The following LANCL3 variants were observed in gnomAD, a reference collection of about 807,000 sequenced individuals.
LANCL3 encodes LanC like family member 3.
Under a neutral mutation model 26.5 loss-of-function variants are expected in LANCL3, and 19 were observed. That is an observed-to-expected ratio of 0.72 (90% CI 0.50 to 1.05). LANCL3 has a LOEUF of 1.05. LANCL3 is among the 50% of genes least tolerant of loss of function. LANCL3 has a pLI of 0.00. For synonymous variants in LANCL3, 160 were observed against 166.6 expected, an observed-to-expected ratio of 0.96 and a Z score of 0.30; for missense variants, 318 against 362.7, an observed-to-expected ratio of 0.88 and a Z score of 1.00.
chrX:37,603,629 T>C (rs1041726023), intron 1 of LANCL3, among the ~76,000 whole-genome samples: 1 of 112,661 alleles, frequency 8.9e-6, no homozygotes, highest in Admixed American at 9.4e-5. Context: ...TACATTCTCA[T>C]TGGCAAATCA....
chrX:37,682,093 T>A lies in LANCL3; in HGVS notation c.*6280T>A, dbSNP rs1926948644. 9.1e-6 allele frequency: 1 copy of A among 109,603 alleles called. No individual in the cohort carries two copies. The highest frequency in any genetic ancestry group is 2.8e-4 in the East Asian group (1 of 3,557). The allele number at this position is 109,603 out of a possible 1,213,427, so 9.0% of individuals were successfully genotyped here. A position where few individuals can be genotyped will look rare whatever the true frequency, so the allele number is the denominator to read the frequency against. ...ATTCTTGCTGATGTTTTATTTTTAT[T>A]TTTATTTTTTTATTTTTTTTTTTTT... On this transcript the variant is annotated 3_prime_UTR_variant, in exon 5 of 5. Transcript: ENST00000378619.
Position 37,680,418 on chromosome X carries a change from G to T in LANCL3, c.*4605G>T, listed in dbSNP as rs1241131337. The T allele has an allele frequency of 9.0e-6, 1 of 111,330 alleles. No individual in the cohort carries two copies. Among genetic ancestry groups the T allele is most frequent in the Non-Finnish European group, 1.9e-5 (1 of 53,009 alleles). 9.2% of individuals were successfully genotyped at this position (111,330 alleles called of 1,213,427 possible). A position where few individuals can be genotyped will look rare whatever the true frequency, so the allele number is the denominator to read the frequency against. ...GTGGATGATGCCTTTAGAGTTTTTT[G>T]TTTTGTTTTGTTTTTGTTTTCTTGA... is the stretch of plus-strand genomic sequence containing the variant. On this transcript the variant is annotated 3_prime_UTR_variant, in exon 5 of 5. Coordinates refer to ENST00000378619, the MANE Select transcript of LANCL3 (RefSeq NM_001170331.2).
rs1477643942 is a variant in LANCL3, at chrX:37,651,262, G to T, written c.574-4426G>T. On this transcript the variant is annotated intron_variant, in intron 1 of 4. Coordinates refer to ENST00000378619, the MANE Select transcript of LANCL3 (RefSeq NM_001170331.2). ...GTATACCCAGTAATGGGATGGCTGG[G>T]TCAAATGGTATTTCTAGTTCTAGAT... Among the ~76,000 whole-genome samples, 4 of 111,354 alleles carry T rather than the reference G, an allele frequency of 3.6e-5. No homozygotes were observed. The East Asian group carries it at 1.1e-3, about 31-fold the overall frequency.
Position 37,676,775 on chromosome X carries a change from C to T in LANCL3, c.*962C>T, listed in dbSNP as rs1926819224. The T allele has an allele frequency of 9.0e-6, 1 of 111,420 alleles. No individual in the cohort carries two copies. The allele number at this position is 111,420 out of a possible 1,213,427, so 9.2% of individuals were successfully genotyped here. A position where few individuals can be genotyped will look rare whatever the true frequency, so the allele number is the denominator to read the frequency against. ...ACAGGCAGACAGGCTGAGGAAGTCA[C>T]CAGTGATTGTGGAAATAATTTTGCT... On this transcript the variant is annotated 3_prime_UTR_variant, in exon 5 of 5. Coordinates refer to ENST00000378619, the MANE Select transcript of LANCL3 (RefSeq NM_001170331.2).
intron 1 of LANCL3, among the ~76,000 whole-genome samples, chrX:37,645,098 T>A (rs1390814283): frequency 1.8e-5 from 2 of 112,617 alleles, no homozygotes; most frequent in African/African-American, 6.5e-5. Context: ...TAGTGACAGT[T>A]GGTGCAGACT....
At chrX:37,596,375 A>G (rs1480202742) in intron 1 of LANCL3, among the ~76,000 whole-genome samples, 1 of 112,170 alleles carries the variant, frequency 8.9e-6, no homozygotes, top group East Asian at 2.8e-4. Context: ...TGTTGTGTCA[A>G]ATGGCTTTTA....
intron 1 of LANCL3, among the ~76,000 whole-genome samples, chrX:37,642,604 A>G (rs1925892177): frequency 8.9e-6 from 1 of 111,896 alleles, no homozygotes; most frequent in Non-Finnish European, 1.9e-5. Context: ...TGTCCATTTT[A>G]TTTCCATGTA....
In LANCL3 at chrX:37,675,984, C is replaced by T; in HGVS notation, c.*171C>T. On this transcript the variant is annotated 3_prime_UTR_variant, in exon 5 of 5. Transcript: ENST00000378619. ...GATGCCAGATTTGAGAAAGGATCTG[C>T]AAAATAAAGATACCACAATTCATCT... 3.1e-6 allele frequency: 1 copy of T among 319,828 alleles called. No individual in the cohort carries two copies. Among genetic ancestry groups the T allele is most frequent in the Non-Finnish European group, 5.4e-6 (1 of 185,426 alleles). 26.4% of individuals were successfully genotyped at this position (319,828 alleles called of 1,213,427 possible). A position where few individuals can be genotyped will look rare whatever the true frequency, so the allele number is the denominator to read the frequency against.
At chrX:37,631,161 C>T (rs782793854) in intron 1 of LANCL3, among the ~76,000 whole-genome samples, 2 of 111,883 alleles carry the variant, frequency 1.8e-5, no homozygotes, top group East Asian at 5.6e-4. Flanking sequence ...GATTCAATTT[C>T]TTCCTGGTTT....
Position 37,633,797 on chromosome X carries a change from C to G in LANCL3, c.574-21891C>G, listed in dbSNP as rs368267606. Among the ~76,000 whole-genome samples, 19 of 111,575 alleles carry G rather than the reference C, an allele frequency of 1.7e-4. 1 individual carries two copies. The East Asian group carries it at 4.8e-3, about 28-fold the overall frequency. ...CTGATCGTTCCTCTGGAAGTTTTGT[C>G]TCAGAGGCGTACCCGGCCATGTGAG... On this transcript the variant is annotated intron_variant, in intron 1 of 4. Coordinates refer to ENST00000378619, the MANE Select transcript of LANCL3 (RefSeq NM_001170331.2).
chrX:37,633,306 C>T (rs956277049), intron 1 of LANCL3, among the ~76,000 whole-genome samples: 6 of 110,615 alleles, frequency 5.4e-5, no homozygotes, highest in East Asian at 5.7e-4. Flanking sequence ...CTTTCAGCTC[C>T]GGTTATTCTA....
chrX:37,609,366 C>T (rs1453542346), intron 1 of LANCL3, among the ~76,000 whole-genome samples: 1 of 111,660 alleles, frequency 9.0e-6, no homozygotes, highest in Non-Finnish European at 1.9e-5. Flanking sequence ...TGAGAAAGCA[C>T]TGATGTGTAA....
At chrX:37,583,069 A>G (rs1923949543) in intron 1 of LANCL3, among the ~76,000 whole-genome samples, 1 of 112,098 alleles carries the variant, frequency 8.9e-6, no homozygotes, top group South Asian at 3.7e-4. Flanking sequence ...TTTGTTAAAT[A>G]GGGAATCCTT....
At chrX:37,614,015 C>G (rs1189064139) in intron 1 of LANCL3, among the ~76,000 whole-genome samples, 1 of 112,052 alleles carries the variant, frequency 8.9e-6, no homozygotes, top group Non-Finnish European at 1.9e-5. Context: ...TTACAAAACC[C>G]CTAGTTGGAC....
chrX:37,629,361 T>C, intron 1 of LANCL3, among the ~76,000 whole-genome samples: 1 of 108,352 alleles, frequency 9.2e-6, no homozygotes, highest in East Asian at 2.9e-4. Context: ...CTTTGTCAGA[T>C]GAGTAGGTTG....
At chrX:37,632,769 T>C (rs1353665546) in intron 1 of LANCL3, among the ~76,000 whole-genome samples, 1 of 111,796 alleles carries the variant, frequency 8.9e-6, no homozygotes, top group Non-Finnish European at 1.9e-5. Context: ...TTTAAGAATG[T>C]TGAATATTGG....
intron 1 of LANCL3, among the ~76,000 whole-genome samples, chrX:37,585,633 G>A (rs1488309215): frequency 9.0e-6 from 1 of 110,829 alleles, no homozygotes; most frequent in Non-Finnish European, 1.9e-5. Flanking sequence ...GCCTTTTTTT[G>A]TTTTCCATTT....
intron 1 of LANCL3, among the ~76,000 whole-genome samples, chrX:37,578,045 G>A (rs1217465365): frequency 1.8e-5 from 2 of 111,983 alleles, no homozygotes; most frequent in African/African-American, 6.5e-5. Context: ...CTCTTTCCAG[G>A]CGTTTTCTCT....
intron 1 of LANCL3, among the ~76,000 whole-genome samples, chrX:37,622,253 A>G (rs1556422348): frequency 9.0e-6 from 1 of 111,316 alleles, no homozygotes; most frequent in Non-Finnish European, 1.9e-5. Flanking sequence ...TCATTTTACA[A>G]CCCACCGCCT....
Sources: allele counts gnomAD v4.1 joint callset (sites outside exome capture counted in the v4.1 genomes callset), GRCh38; gene constraint gnomAD v4.1.1; transcripts MANE v1.5; gene names NCBI Gene and HGNC (gene_info 2026-07-23, HGNC 2026-07-21).